SEMA3C: variants seen among roughly 807,000 people sequenced by gnomAD.
SEMA3C encodes semaphorin-3C.
SEMA3C carries 47 observed loss-of-function variants against 89.4 expected under a neutral mutation model. The observed-to-expected ratio is 0.53, with a 90% CI of 0.42 to 0.67. SEMA3C has a LOEUF of 0.67. Among genes scored for constraint, SEMA3C ranks in the 30% least tolerant of loss-of-function variants. The pLI, the probability that SEMA3C is intolerant of heterozygous loss-of-function variation, is 0.00. For synonymous variants in SEMA3C, 310 were observed against 320.2 expected (o/e 0.97, Z 0.34); for missense variants, 839 against 929.1 (o/e 0.90, Z 1.26).
intron 12 of SEMA3C, among the ~76,000 whole-genome samples, chr7:80,783,152 AT>A (rs1788727157): frequency 6.6e-6 from 1 of 152,076 alleles, no homozygotes; most frequent in Admixed American, 6.5e-5. Flanking sequence ...TTTGAAACAA[AT>A]TTTTTCAGCA....
intron 9 of SEMA3C, among the ~76,000 whole-genome samples, chr7:80,801,279 G>C (rs1789201671): frequency 6.6e-6 from 1 of 151,736 alleles, no homozygotes; most frequent in African/African-American, 2.4e-5. Context: ...ATTTCTTTTT[G>C]ATCTAATCTT....
chr7:80,763,490 G>T (rs370648816), intron 13 of SEMA3C, among the ~76,000 whole-genome samples: 1 of 152,028 alleles, frequency 6.6e-6, no homozygotes, highest in African/African-American at 2.4e-5. Flanking sequence ...TGTCCCCCAC[G>T]TGCATTCTGA....
chr7:80,916,869 A>T (rs1457917385), intron 1 of SEMA3C, 50 bp from the exon 2 acceptor site: 22 of 1,536,352 alleles, frequency 1.4e-5, no homozygotes, highest in Non-Finnish European at 1.8e-5. Flanking sequence ...ACATTTTAGG[A>T]GTAGGAAAAA....
chr7:80,827,836 C>A (rs1354855592), intron 3 of SEMA3C, among the ~76,000 whole-genome samples: 1 of 152,072 alleles, frequency 6.6e-6, no homozygotes, highest in East Asian at 1.9e-4. Context: ...GACAATAAAT[C>A]TACACTTACA....
intron 2 of SEMA3C, among the ~76,000 whole-genome samples, chr7:80,894,195 G>A (rs1383950615): frequency 6.6e-6 from 1 of 152,068 alleles, no homozygotes; most frequent in Non-Finnish European, 1.5e-5. Flanking sequence ...ATTATAGCAG[G>A]TGCATAAGAA....
At chr7:80,861,051 A>G (rs953056553) in intron 2 of SEMA3C, among the ~76,000 whole-genome samples, 1 of 152,188 alleles carries the variant, frequency 6.6e-6, no homozygotes, top group Non-Finnish European at 1.5e-5. Context: ...TTGATCAAAC[A>G]TGAGAAAATG....
chr7:80,876,164 C>A (rs1791197690), intron 2 of SEMA3C, among the ~76,000 whole-genome samples: 2 of 152,108 alleles, frequency 1.3e-5, no homozygotes, highest in South Asian at 4.1e-4. Context: ...TAAAAAGGGA[C>A]TACTGTATTA....
chr7:80,789,086 C>T (rs6953073), intron 12 of SEMA3C, among the ~76,000 whole-genome samples: 7,100 of 151,718 alleles, frequency 0.047, 357 homozygotes, highest in African/African-American at 0.11. Context: ...ATGTATATAT[C>T]TCTATATATA....
chr7:80,908,614 T>G (rs1184452961), intron 2 of SEMA3C, among the ~76,000 whole-genome samples: 1 of 152,132 alleles, frequency 6.6e-6, no homozygotes, highest in Non-Finnish European at 1.5e-5. Flanking sequence ...CTTTACATAT[T>G]ATGTGCCCCA....
At chr7:80,845,884 C>A (rs1790377472) in intron 2 of SEMA3C, among the ~76,000 whole-genome samples, 1 of 152,162 alleles carries the variant, frequency 6.6e-6, no homozygotes. Context: ...CATGACCATG[C>A]TTTCACACAT....
chr7:80,802,700 T>C lies in SEMA3C; in HGVS notation c.881A>G (p.Asp294Gly), dbSNP rs554547111. The change falls in exon 9 of 18, where the codon GAT becomes GGT. Residue 294 changes from aspartate to glycine, a missense_variant. Physicochemically the swap from Asp to Gly is moderately conservative, Grantham distance 94. Transcript: ENST00000265361. ...AAAGTGTGTTTCTGGGCCGTCTTCA[T>C]CTGTTACCGAGCACACCAGCCTCGC... ...LKARLVCSVT[D>G]EDGPETHFDE... The C allele has an allele frequency of 3.1e-6, 5 of 1,613,450 alleles. No individual in the cohort carries two copies. Among genetic ancestry groups the C allele is most frequent in the Non-Finnish European group, 3.4e-6 (4 of 1,179,438 alleles).
At chr7:80,906,691 G>A (rs1562980007) in intron 2 of SEMA3C, among the ~76,000 whole-genome samples, 1 of 152,100 alleles carries the variant, frequency 6.6e-6, no homozygotes, top group South Asian at 2.1e-4. Flanking sequence ...AAGAGTAGAA[G>A]GTAGATGTCA....
At chr7:80,912,714 C>G (rs1792180860) in intron 2 of SEMA3C, among the ~76,000 whole-genome samples, 2 of 152,194 alleles carry the variant, frequency 1.3e-5, no homozygotes, top group African/African-American at 4.8e-5. Flanking sequence ...CTAAATACTT[C>G]TCAGTAACAC....
At chr7:80,794,375 G>C (rs1789012985) in intron 11 of SEMA3C, among the ~76,000 whole-genome samples, 1 of 151,976 alleles carries the variant, frequency 6.6e-6, no homozygotes, top group South Asian at 2.1e-4. Flanking sequence ...ATAATGATGT[G>C]AGACGATGTA....
intron 2 of SEMA3C, among the ~76,000 whole-genome samples, chr7:80,867,823 G>A (rs2116030915): frequency 6.6e-6 from 1 of 152,216 alleles, no homozygotes; most frequent in South Asian, 2.1e-4. Context: ...AATGAGTCAA[G>A]CAAGCCAGGA....
At chr7:80,836,158 C>A (rs1390049539) in intron 2 of SEMA3C, among the ~76,000 whole-genome samples, 1 of 152,120 alleles carries the variant, frequency 6.6e-6, no homozygotes, top group East Asian at 1.9e-4. Flanking sequence ...CTATCAACAT[C>A]TCAGTGATGC....
chr7:80,777,480 C>T (rs1229102888), intron 12 of SEMA3C, among the ~76,000 whole-genome samples: 3 of 152,160 alleles, frequency 2.0e-5, no homozygotes, highest in Admixed American at 6.5e-5. Context: ...TTAGTAGAGA[C>T]GGGGTTTTGC....
At chr7:80,894,671 A>T (rs1446798563) in intron 2 of SEMA3C, among the ~76,000 whole-genome samples, 1 of 152,136 alleles carries the variant, frequency 6.6e-6, no homozygotes, top group East Asian at 1.9e-4. Flanking sequence ...AAATCAACTA[A>T]TTTTTGCTTG....
At chr7:80,829,765 A>G (rs1789967296) in intron 2 of SEMA3C, among the ~76,000 whole-genome samples, 1 of 152,122 alleles carries the variant, frequency 6.6e-6, no homozygotes, top group South Asian at 2.1e-4. Context: ...CATTCATGAT[A>G]CATTCTCTGG....
Sources: gnomAD v4.1 joint callset for allele counts (sites outside exome capture counted in the v4.1 genomes callset) on GRCh38, gnomAD v4.1.1 for gene constraint, MANE v1.5 for transcripts, NCBI Gene and HGNC (gene_info 2026-07-23, HGNC 2026-07-21) for gene names.